The following SECISBP2L variants were observed in gnomAD, a reference collection of about 807,000 sequenced individuals.
SECISBP2L encodes the protein SECIS binding protein 2 like.
SECISBP2L carries 43 observed loss-of-function variants against 114.7 expected under a neutral mutation model. The ratio of observed to expected loss-of-function variants is 0.38; its 90% CI spans 0.29 to 0.48. The LOEUF (loss-of-function observed/expected upper bound fraction) is 0.48. Ranked by LOEUF, SECISBP2L falls within the 20% of genes least tolerant of loss-of-function variation. The probability of loss-of-function intolerance (pLI) is 0.98; values close to 1 mark genes in which losing one functional copy is unlikely to be tolerated. For missense variants in SECISBP2L, 1,136 were observed against 1,301.1 expected (o/e 0.87, Z 1.95); for synonymous variants, 451 against 439.7 (o/e 1.03, Z -0.32).
chr15:49,022,370 C>T (rs372115649), intron 7 of SECISBP2L, among the ~76,000 whole-genome samples: 7 of 152,194 alleles, frequency 4.6e-5, no homozygotes, highest in Admixed American at 1.3e-4. Context: ...GAGGCTGAAG[C>T]GGATGGATCG....
intron 7 of SECISBP2L, among the ~76,000 whole-genome samples, chr15:49,026,333 A>G (rs911229844): frequency 1.3e-5 from 2 of 152,180 alleles, no homozygotes; most frequent in Admixed American, 6.5e-5. Context: ...TACAGTTAAC[A>G]ATAATTTAAT....
At chr15:49,040,658 C>T (rs968574307) in intron 1 of SECISBP2L, among the ~76,000 whole-genome samples, 3 of 150,212 alleles carry the variant, frequency 2.0e-5, no homozygotes, top group African/African-American at 7.3e-5. Context: ...GCCTCAGCCT[C>T]CCGAGTAGCT....
At chr15:49,033,148 T>C in intron 3 of SECISBP2L, 48 bp from the exon 4 acceptor site, 1 of 1,560,460 alleles carries the variant, frequency 6.4e-7, no homozygotes, top group African/African-American at 1.4e-5. Context: ...AACTATTCAA[T>C]GTACTGAACA....
Position 49,033,100 on chromosome 15 carries a change from G to C in SECISBP2L, c.529C>G (p.Gln177Glu). The C allele has an allele frequency of 6.2e-7, 1 of 1,604,152 alleles. No homozygotes were observed. The highest frequency in any genetic ancestry group is 8.5e-7 in the Non-Finnish European group (1 of 1,177,440). The change falls in exon 4 of 18, where the codon CAA becomes GAA. Residue 177 changes from glutamine (Q) to glutamate (E), a missense_variant and splice_region_variant. Transcript: ENST00000559471. ...TTTATGTGCTGTTGTAAAAGCTGTT[G>C]CTGATTTAAAAAAAAAACAAAAAAA... ...NSNRGSVVPKQQLLQQHIKSK... is the reference protein window; with the variant it reads ...NSNRGSVVPKEQLLQQHIKSK...
At chr15:49,042,936 G>A (rs1441337253) in intron 1 of SECISBP2L, among the ~76,000 whole-genome samples, 1 of 152,174 alleles carries the variant, frequency 6.6e-6, no homozygotes, top group East Asian at 1.9e-4. Flanking sequence ...GCTGAGGCAG[G>A]AGAACTGCTT....
intron 1 of SECISBP2L, among the ~76,000 whole-genome samples, chr15:49,041,610 T>G (rs1403537369): frequency 6.6e-6 from 1 of 152,130 alleles, no homozygotes; most frequent in Non-Finnish European, 1.5e-5. Flanking sequence ...AACCTCCAGA[T>G]GAATGCAAAT....
chr15:48,996,231 T>C (rs770659097), intron 17 of SECISBP2L, 136 bp downstream of exon 17: 95 of 769,394 alleles, frequency 1.2e-4, no homozygotes, highest in Non-Finnish European at 1.8e-4. Context: ...TGAACATGTT[T>C]AATGCAATGT....
intron 17 of SECISBP2L, among the ~76,000 whole-genome samples, chr15:48,994,846 A>G (rs1317787677): frequency 2.2e-4 from 17 of 77,140 alleles, no homozygotes; most frequent in Non-Finnish European, 5.8e-4. Flanking sequence ...GCTGGGGAAA[A>G]AAAAAAAAAA....
intron 7 of SECISBP2L, among the ~76,000 whole-genome samples, chr15:49,022,261 G>A (rs956141313): frequency 1.3e-5 from 2 of 152,108 alleles, no homozygotes; most frequent in African/African-American, 4.8e-5. Flanking sequence ...AGGACTATGG[G>A]TGCATGCCAC....
chr15:49,009,434 T>TG, intron 13 of SECISBP2L, 56 bp from the exon 14 acceptor site: 1 of 1,533,606 alleles, frequency 6.5e-7, no homozygotes, highest in Non-Finnish European at 8.8e-7. Flanking sequence ...GCTGAAAAGT[T>TG]CTACGTTGAT....
At chr15:49,045,136 T>C (rs1026779552) in intron 1 of SECISBP2L, among the ~76,000 whole-genome samples, 3 of 152,170 alleles carry the variant, frequency 2.0e-5, no homozygotes, top group Non-Finnish European at 4.4e-5. Context: ...TATTGTTTTA[T>C]AAAACTCATT....
chr15:49,037,353 C>T, intron 2 of SECISBP2L: 1 of 222,754 alleles, frequency 4.5e-6, no homozygotes, highest in Non-Finnish European at 8.6e-6. Context: ...AGCTGACTTA[C>T]TTCAAATAAA....
At chr15:48,995,726 A>G (rs1902072231) in intron 17 of SECISBP2L, among the ~76,000 whole-genome samples, 1 of 152,194 alleles carries the variant, frequency 6.6e-6, no homozygotes, top group Non-Finnish European at 1.5e-5. Context: ...TGAGATGTAG[A>G]CTTCAATAAA....
chr15:49,029,127 T>C (rs1902829603), intron 4 of SECISBP2L, among the ~76,000 whole-genome samples: 1 of 152,234 alleles, frequency 6.6e-6, no homozygotes, highest in African/African-American at 2.4e-5. Context: ...ATGCTGGGAT[T>C]ACAGGCATGA....
At chr15:49,001,271 GAA>G (rs1423278783) in intron 14 of SECISBP2L, among the ~76,000 whole-genome samples, 174 bp from the exon 15 acceptor site, 1 of 152,130 alleles carries the variant, frequency 6.6e-6, no homozygotes, top group Non-Finnish European at 1.5e-5. Context: ...TACAAAAACA[GAA>G]GAGTGATACA....
chr15:49,036,845 T>C (rs949064325), intron 2 of SECISBP2L, among the ~76,000 whole-genome samples: 4 of 152,226 alleles, frequency 2.6e-5, no homozygotes, highest in African/African-American at 4.8e-5. Context: ...GAAATATTGA[T>C]TGACTCAGCC....
intron 14 of SECISBP2L, 100 bp from the exon 15 acceptor site, chr15:49,001,197 T>C: frequency 2.7e-6 from 2 of 741,520 alleles, no homozygotes; most frequent in Non-Finnish European, 4.2e-6. Flanking sequence ...ATATATATGG[T>C]AAGAAGTTTT....
intron 14 of SECISBP2L, among the ~76,000 whole-genome samples, chr15:49,003,739 G>A (rs1212928003): frequency 2.6e-5 from 4 of 152,266 alleles, no homozygotes; most frequent in Middle Eastern, 3.4e-3. Flanking sequence ...GATGGATTAC[G>A]TTTACTGATT....
chr15:49,000,981 C>T lies in SECISBP2L; in HGVS notation c.2144G>A (p.Arg715Lys), dbSNP rs1902193194. ...YQKDPVRAKA[R>K]RRLVMGLREV... ...TCTTAGACCCATAACGAGTCGTCTC[C>T]TTGCTTTTGCTCTTACAGGATCTTT... The change falls in exon 15 of 18, where the codon AGG becomes AAG. Residue 715 changes from arginine (R) to lysine (K), a missense_variant. Physicochemically the swap from Arg to Lys is conservative, Grantham distance 26. Transcript: ENST00000559471. 2 of 1,613,872 alleles carry T rather than the reference C, an allele frequency of 1.2e-6. No homozygotes were observed. The highest frequency in any genetic ancestry group is 2.2e-5 in the East Asian group (1 of 44,844).
Sources: allele counts gnomAD v4.1 joint callset (sites outside exome capture counted in the v4.1 genomes callset), GRCh38; gene constraint gnomAD v4.1.1; transcripts MANE v1.5; gene names NCBI Gene and HGNC (gene_info 2026-07-23, HGNC 2026-07-21).